MTSS1: variants seen among roughly 807,000 people sequenced by gnomAD.
The protein encoded by MTSS1 is protein MTSS 1.
In MTSS1, 18 loss-of-function variants were observed where a neutral mutation model predicts 79.0. The observed-to-expected ratio is 0.23, with a 90% CI of 0.16 to 0.34. MTSS1 has a LOEUF of 0.34. Ranked by LOEUF, MTSS1 falls within the 10% of genes least tolerant of loss-of-function variation. The pLI is 1.00. For synonymous variants in MTSS1, 341 were observed against 368.6 expected (o/e 0.93, Z 0.86); for missense variants, 815 against 986.2 (o/e 0.83, Z 2.33).
intron 1 of MTSS1, among the ~76,000 whole-genome samples, chr8:124,716,295 A>G (rs1831965581): frequency 6.6e-6 from 1 of 152,218 alleles, no homozygotes; most frequent in Non-Finnish European, 1.5e-5. Flanking sequence ...AGAGGGAGGA[A>G]GCGTTCCCTG....
intron 10 of MTSS1, chr8:124,558,594 GC>G: frequency 7.5e-7 from 1 of 1,341,888 alleles, no homozygotes; most frequent in Non-Finnish European, 9.8e-7. Context: ...CCCAAGAGGA[GC>G]CCCACTCTTG....
chr8:124,572,139 A>T (rs1827924823), intron 6 of MTSS1, among the ~76,000 whole-genome samples: 1 of 152,194 alleles, frequency 6.6e-6, no homozygotes, highest in South Asian at 2.1e-4. Context: ...CACTGAACCC[A>T]GTGTTATCTA....
chr8:124,601,281 C>G (rs968538395), intron 3 of MTSS1, among the ~76,000 whole-genome samples: 2 of 152,034 alleles, frequency 1.3e-5, no homozygotes, highest in African/African-American at 4.8e-5. Flanking sequence ...AAGCTGGTCT[C>G]GAACTCCTGA....
At chr8:124,602,729 G>C (rs1308567793) in intron 3 of MTSS1, among the ~76,000 whole-genome samples, 1 of 152,266 alleles carries the variant, frequency 6.6e-6, no homozygotes, top group South Asian at 2.1e-4. Context: ...TCAGCCTGGG[G>C]GTCTATAAGG....
intron 2 of MTSS1, among the ~76,000 whole-genome samples, chr8:124,701,600 G>T (rs931480884): frequency 6.6e-6 from 1 of 152,164 alleles, no homozygotes; most frequent in Non-Finnish European, 1.5e-5. Flanking sequence ...ACAATGGCTG[G>T]ATTTATTCTC....
chr8:124,558,287 A>G (rs3750232), intron 10 of MTSS1, among the ~76,000 whole-genome samples: 69,808 of 147,652 alleles, frequency 0.47, 17,541 homozygotes, highest in Non-Finnish European at 0.58. Context: ...TTCCAAAATC[A>G]TCGCATTGCT....
chr8:124,588,070 C>T (rs138879464), intron 5 of MTSS1, among the ~76,000 whole-genome samples: 107 of 152,248 alleles, frequency 7.0e-4, no homozygotes, highest in African/African-American at 7.2e-5. Flanking sequence ...GCATGAAATA[C>T]GGTAAGTACT....
chr8:124,639,373 A>G (rs1350980174), intron 3 of MTSS1, among the ~76,000 whole-genome samples: 1 of 152,218 alleles, frequency 6.6e-6, no homozygotes, highest in East Asian at 1.9e-4. Flanking sequence ...AAGATGTAAA[A>G]TTATCACAAC....
In MTSS1 at chr8:124,622,942, A is replaced by T. The variant is rs1394249157; in HGVS notation, c.209-31707T>A. Among the ~76,000 whole-genome samples, 3 of 152,340 alleles carry T rather than the reference A, an allele frequency of 2.0e-5. No homozygotes were observed. The South Asian group carries it at 6.2e-4, about 32-fold the overall frequency. ...CAAAAGACAATCTTCCCTGACCCGG[A>T]AAGTAGGGAGATGGGGCCCAAGGCA... On this transcript the variant is annotated intron_variant, in intron 3 of 13. Transcript: ENST00000518547.
intron 3 of MTSS1, among the ~76,000 whole-genome samples, chr8:124,692,611 C>A (rs886721552): frequency 1.3e-5 from 2 of 152,172 alleles, no homozygotes; most frequent in African/African-American, 4.8e-5. Flanking sequence ...AAGATTCCCT[C>A]CCCTCCTCCA....
chr8:124,672,450 T>C (rs903206484), intron 3 of MTSS1, among the ~76,000 whole-genome samples: 59 of 150,034 alleles, frequency 3.9e-4, no homozygotes, highest in African/African-American at 1.3e-3. Flanking sequence ...GCCAAGATCA[T>C]ACCACTGCAC....
rs901158031 is a variant in MTSS1, at chr8:124,669,817, G to C, written c.208+29709C>G. On this transcript the variant is annotated intron_variant, in intron 3 of 13. Coordinates refer to ENST00000518547, the MANE Select transcript of MTSS1 (RefSeq NM_014751.6). ...GAAAGTGGATAGCTACAGAACACTA[G>C]AGGAATCTCCCTACACTAGATAAAG... Among the ~76,000 whole-genome samples the C allele has an allele frequency of 4.6e-5, 7 of 152,120 alleles. 1 individual carries two copies. The highest frequency in any genetic ancestry group is 7.4e-5 in the Non-Finnish European group (5 of 68,018).
chr8:124,673,760 T>C (rs1824743379), intron 3 of MTSS1, among the ~76,000 whole-genome samples: 1 of 152,232 alleles, frequency 6.6e-6, no homozygotes, highest in Non-Finnish European at 1.5e-5. Context: ...ACTATTTCTT[T>C]TTTTTCCTTT....
chr8:124,591,593 T>C (rs528801473), intron 3 of MTSS1, among the ~76,000 whole-genome samples: 2 of 152,344 alleles, frequency 1.3e-5, no homozygotes, highest in African/African-American at 2.4e-5. Context: ...ATACTTCTCA[T>C]GAAAGATAAT....
intron 3 of MTSS1, among the ~76,000 whole-genome samples, chr8:124,650,174 G>T (rs1345109300): frequency 6.6e-6 from 1 of 152,028 alleles, no homozygotes; most frequent in Non-Finnish European, 1.5e-5. Flanking sequence ...GGGATTACAG[G>T]TATGCACCAC....
intron 3 of MTSS1, among the ~76,000 whole-genome samples, chr8:124,630,312 C>A (rs1198109892): frequency 2.0e-5 from 3 of 150,844 alleles, no homozygotes; most frequent in Non-Finnish European, 4.4e-5. Context: ...GAGTCACCAA[C>A]AGGCAAGCAG....
intron 1 of MTSS1, among the ~76,000 whole-genome samples, chr8:124,711,805 G>A (rs1347800487): frequency 2.6e-5 from 4 of 152,130 alleles, no homozygotes; most frequent in Admixed American, 6.5e-5. Context: ...TCAGGAGTTC[G>A]AGACCAGCCT....
intron 3 of MTSS1, among the ~76,000 whole-genome samples, chr8:124,604,999 G>A (rs1392436912): frequency 6.6e-6 from 1 of 152,166 alleles, no homozygotes; most frequent in Non-Finnish European, 1.5e-5. Flanking sequence ...ATGGTAATAT[G>A]GAAACACAAA....
intron 3 of MTSS1, among the ~76,000 whole-genome samples, chr8:124,624,361 A>G (rs1441649315): frequency 1.3e-5 from 2 of 152,208 alleles, no homozygotes; most frequent in African/African-American, 4.8e-5. Context: ...TCCTCAGCCC[A>G]GGTTGTAAAA....
Sources: gnomAD v4.1 joint callset for allele counts (sites outside exome capture counted in the v4.1 genomes callset) on GRCh38, gnomAD v4.1.1 for gene constraint, MANE v1.5 for transcripts, NCBI Gene and HGNC (gene_info 2026-07-23, HGNC 2026-07-21) for gene names.